The following CROCC2 variants were observed in gnomAD, a reference collection of about 807,000 sequenced individuals.
CROCC2 encodes ciliary rootlet coiled-coil protein 2.
In CROCC2, 163 loss-of-function variants were observed where a neutral mutation model predicts 177.6. The ratio of observed to expected loss-of-function variants is 0.92; its 90% CI spans 0.81 to 1.05. The LOEUF (loss-of-function observed/expected upper bound fraction) is 1.05, where lower values mean the gene tolerates loss of function less well. Ranked by LOEUF, CROCC2 falls within the 50% of genes least tolerant of loss-of-function variation. The pLI is 0.00. For synonymous variants in CROCC2, 904 were observed against 787.3 expected (o/e 1.15, Z -2.48); for missense variants, 1,929 against 1,797.8 (o/e 1.07, Z -1.32).
chr2:240,966,306 C>G lies in CROCC2; in HGVS notation c.4043C>G (p.Ser1348Trp), dbSNP rs1326361278. 2.3e-6 allele frequency: 1 copy of G among 427,138 alleles called. No homozygotes were observed. Among genetic ancestry groups the G allele is most frequent in the South Asian group, 1.2e-4 (1 of 8,600 alleles). The allele number at this position is 427,138 out of a possible 1,614,324, so 26.5% of individuals were successfully genotyped here. A position where few individuals can be genotyped will look rare whatever the true frequency, so the allele number is the denominator to read the frequency against. ...ARPHSPLRWP[S>W]PTPGGRSSEL... ...CCCCACTCGCCCCTCCGATGGCCCT[C>G]GCCCACACCCGGAGGCCGCAGCTCA... Residue 1348 changes from serine to tryptophan, a missense_variant, in exon 25 of 32, where the codon TCG becomes TGG. By Grantham distance (177) the Ser-to-Trp change is radical (BLOSUM62 -3). Transcript: ENST00000690015.
intron 20 of CROCC2, among the ~76,000 whole-genome samples, chr2:240,961,273 C>A (rs1285881562): frequency 6.6e-6 from 1 of 152,108 alleles, no homozygotes; most frequent in African/African-American, 2.4e-5. Context: ...TGAGACCACA[C>A]ACACCGGTGT....
chr2:240,920,503 G>A (rs934490218), intron 3 of CROCC2, among the ~76,000 whole-genome samples: 5 of 152,206 alleles, frequency 3.3e-5, no homozygotes, highest in Non-Finnish European at 7.3e-5. Context: ...GCCCAGCACT[G>A]GCACAAAGCT....
chr2:240,965,712 T>C lies in CROCC2; in HGVS notation c.3680T>C (p.Leu1227Pro), dbSNP rs1307924950. Reference sequence around the variant, plus strand: ...CATGGACAGCGGCTCCAGGAGCACCTCCGTGAGAGCCGGGGGGCTGAGCAG... The same window carrying C: ...CATGGACAGCGGCTCCAGGAGCACCCCCGTGAGAGCCGGGGGGCTGAGCAG... ...EAHGQRLQEH[L>P]RESRGAEQTL... Residue 1227 changes from leucine to proline, a missense_variant, in exon 24 of 32, where the codon CTC (leucine) becomes CCC (proline). This residue lies in a region of CROCC2 where 144 missense variants were observed against 205.2 expected (regional missense o/e 0.70). Coordinates refer to ENST00000690015, the MANE Select transcript of CROCC2 (RefSeq NM_001351305.2). 1 of 1,548,260 alleles carries C rather than the reference T, an allele frequency of 6.5e-7. No homozygotes were observed. The highest frequency in any genetic ancestry group is 8.7e-7 in the Non-Finnish European group (1 of 1,145,946).
chr2:240,933,939 G>A (rs1304487934), intron 11 of CROCC2, 87 bp downstream of exon 11: 3 of 1,397,958 alleles, frequency 2.1e-6, no homozygotes, highest in Admixed American at 2.3e-5. Flanking sequence ...TTGGGCCACG[G>A]GTCTGCTTTT....
Position 240,964,609 on chromosome 2 carries a change from G to C in CROCC2, c.3449G>C (p.Arg1150Pro). 1 of 1,549,284 alleles carries C rather than the reference G, an allele frequency of 6.5e-7. No homozygotes were observed. The highest frequency in any genetic ancestry group is 8.7e-7 in the Non-Finnish European group (1 of 1,146,656). Residue 1150 changes from arginine (R) to proline (P), a missense_variant, in exon 22 of 32, where the codon CGG becomes CCG. Coordinates refer to ENST00000690015, the MANE Select transcript of CROCC2 (RefSeq NM_001351305.2). ...QAGGDARQEL[R>P]ELHRQVRTLK... is the part of the protein sequence containing the mutation. The stretch of plus-strand genomic sequence containing the variant: ...GGGGGGGACGCCCGTCAGGAGCTCC[G>C]GGAACTCCACAGACAGGTAGGGCGG...
At chr2:240,961,625 A>T (rs2059635856) in intron 20 of CROCC2, among the ~76,000 whole-genome samples, 1 of 140,342 alleles carries the variant, frequency 7.1e-6, no homozygotes, top group Non-Finnish European at 1.5e-5. Context: ...CTCATGACAC[A>T]TGCACACGCT....
chr2:240,986,112 C>T (rs2059838984), intron 28 of CROCC2: 1 of 371,720 alleles, frequency 2.7e-6, no homozygotes. Context: ...GACTCCAGGG[C>T]ACCATCAGTG....
chr2:240,942,653 TA>T (rs2059501256), intron 14 of CROCC2, among the ~76,000 whole-genome samples: 1 of 152,216 alleles, frequency 6.6e-6, no homozygotes, highest in Middle Eastern at 3.2e-3. Flanking sequence ...GAAATCAGAA[TA>T]GGGATAAATT....
chr2:240,914,204 C>G (rs62186584), intron 1 of CROCC2, among the ~76,000 whole-genome samples: 2 of 152,120 alleles, frequency 1.3e-5, no homozygotes. Context: ...CACCCTTGTG[C>G]GCGAGTGGGG....
At chr2:240,929,116 A>G (rs1386111013) in intron 5 of CROCC2, among the ~76,000 whole-genome samples, 1 of 152,062 alleles carries the variant, frequency 6.6e-6, no homozygotes, top group African/African-American at 2.4e-5. Flanking sequence ...GCCAGGTGTT[A>G]TGGGCTCAGC....
chr2:240,912,136 C>G (rs541811747), intron 1 of CROCC2, among the ~76,000 whole-genome samples: 66 of 152,316 alleles, frequency 4.3e-4, no homozygotes, highest in African/African-American at 1.6e-3. Context: ...GCACTTCCCT[C>G]CAGGCAAGGT....
intron 5 of CROCC2, among the ~76,000 whole-genome samples, 160 bp from the exon 6 acceptor site, chr2:240,930,006 G>A (rs755383733): frequency 1.1e-4 from 17 of 152,346 alleles, no homozygotes; most frequent in South Asian, 6.2e-4. Flanking sequence ...GGTGGGGTTG[G>A]GGGAGCCCAG....
intron 27 of CROCC2, among the ~76,000 whole-genome samples, chr2:240,975,868 T>C (rs1242868558): frequency 1.3e-5 from 2 of 151,968 alleles, no homozygotes; most frequent in Non-Finnish European, 2.9e-5. Context: ...TAGCTGAGAT[T>C]ACAGGCGCCC....
rs77834814 is a variant in CROCC2 at position 240,923,072 on chromosome 2, C to T, written c.488+427C>T. Among the ~76,000 whole-genome samples the T allele has an allele frequency of 4.8e-3, 724 of 152,188 alleles. 5 individuals are homozygous for T. The highest frequency in any genetic ancestry group is 0.01 in the Admixed American group (158 of 15,298). On this transcript the variant is annotated intron_variant, in intron 4 of 31. Coordinates refer to ENST00000690015, the MANE Select transcript of CROCC2 (RefSeq NM_001351305.2). ...ACCCATCGCTATCAGACCCCTCCCC[C>T]GCTCCACAGGCCAGGAGCAGGGGCT... is the stretch of plus-strand genomic sequence containing the variant.
chr2:240,930,331 G>A (rs1356135850), intron 6 of CROCC2, 62 bp downstream of exon 6: 2 of 468,594 alleles, frequency 4.3e-6, no homozygotes, highest in African/African-American at 4.1e-5. Context: ...AAACCCCCTT[G>A]GGGAGGGGGA....
In CROCC2 at chr2:240,965,413, G is replaced by A; in HGVS notation, c.3498G>A (p.Arg1166=). The change falls in exon 23 of 32, where the codon AGG becomes AGA. Residue 1166 remains arginine, a synonymous_variant. Transcript: ENST00000690015. ...CACTGAAGGCCGAGAACCAGAGGAG[G>A]AGTGGAGAGGCCCATGAGCTGCAGG... ...VRTLKAENQR[R]SGEAHELQAQ... is the part of the protein sequence containing the mutation. The A allele has an allele frequency of 6.5e-7, 1 of 1,549,702 alleles. No homozygotes were observed. Among genetic ancestry groups the A allele is most frequent in the South Asian group, 1.2e-5 (1 of 84,018 alleles).
At chr2:240,919,224 G>T (rs2059342444) in intron 2 of CROCC2, among the ~76,000 whole-genome samples, 1 of 152,068 alleles carries the variant, frequency 6.6e-6, no homozygotes, top group Admixed American at 6.5e-5. Flanking sequence ...CCCCCACAGG[G>T]CCACCCTCAG....
chr2:240,946,005 C>T (rs1574767541), intron 14 of CROCC2, 55 bp from the exon 15 acceptor site: 1 of 1,374,282 alleles, frequency 7.3e-7, no homozygotes, highest in Non-Finnish European at 9.7e-7. Context: ...GGCCCATGCT[C>T]ACCCACCCAC....
In CROCC2 at chr2:240,933,860, G is replaced by A. The variant is rs1221737495; in HGVS notation, c.1646+8G>A. 1 of 1,540,154 alleles carries A rather than the reference G, an allele frequency of 6.5e-7. No individual in the cohort carries two copies. Among genetic ancestry groups the A allele is most frequent in the Non-Finnish European group, 8.8e-7 (1 of 1,141,284 alleles). ...CAGGGCACTGGAGACCAGGTGCGCGGCCGTGGCTGGGTGGGCAGGGCCCCT... is the reference window on the plus strand; with the variant it reads ...CAGGGCACTGGAGACCAGGTGCGCGACCGTGGCTGGGTGGGCAGGGCCCCT... On this transcript the variant is annotated splice_region_variant and intron_variant, in intron 11 of 31. Coordinates refer to ENST00000690015, the MANE Select transcript of CROCC2 (RefSeq NM_001351305.2).
Sources: allele counts gnomAD v4.1 joint callset (sites outside exome capture counted in the v4.1 genomes callset), GRCh38; gene constraint gnomAD v4.1.1; regional missense constraint gnomAD v4.1.1; transcripts MANE v1.5; gene names NCBI Gene and HGNC (gene_info 2026-07-23, HGNC 2026-07-21).